MDFIC2: variants seen among roughly 807,000 people sequenced by gnomAD.
MDFIC2 encodes the protein myoD family inhibitor domain-containing protein 2.
intron 2 of MDFIC2, among the ~76,000 whole-genome samples, chr3:70,280,481 C>G (rs1039338018): frequency 6.6e-6 from 1 of 152,152 alleles, no homozygotes; most frequent in Non-Finnish European, 1.5e-5. Context: ...AATACTTTCA[C>G]CCTTGCCTCA....
intron 2 of MDFIC2, among the ~76,000 whole-genome samples, chr3:70,242,241 T>C (rs1262886120): frequency 6.6e-6 from 1 of 152,200 alleles, no homozygotes; most frequent in Non-Finnish European, 1.5e-5. Flanking sequence ...TTCATATGCC[T>C]CCAATTAATC....
chr3:70,274,973 CTATT>C (rs1015266659), intron 2 of MDFIC2, among the ~76,000 whole-genome samples: 6 of 151,990 alleles, frequency 3.9e-5, no homozygotes, highest in African/African-American at 1.2e-4. Flanking sequence ...CTGTTTGAAA[CTATT>C]TATCTGTGAG....
chr3:70,305,553 T>C (rs2106705148), intron 2 of MDFIC2, among the ~76,000 whole-genome samples: 1 of 152,338 alleles, frequency 6.6e-6, no homozygotes, highest in East Asian at 1.9e-4. Flanking sequence ...CTTAAGTACA[T>C]GAGTTCCTTG....
At chr3:70,310,424 G>T (rs1289542895) in intron 2 of MDFIC2, among the ~76,000 whole-genome samples, 1 of 151,948 alleles carries the variant, frequency 6.6e-6, no homozygotes, top group Non-Finnish European at 1.5e-5. Context: ...GGAGTGCAGT[G>T]GTGTGATCTC....
At chr3:70,287,754 C>A (rs1186793349) in intron 2 of MDFIC2, among the ~76,000 whole-genome samples, 1 of 151,512 alleles carries the variant, frequency 6.6e-6, no homozygotes, top group Admixed American at 6.6e-5. Flanking sequence ...TTGGTCTATT[C>A]AGAGATTCAA....
At position 70,228,394 on chromosome 3, in the gene MDFIC2, ATTG is replaced by A. The variant is rs1701527995; in HGVS notation, c.89-21607_89-21605del. ...TAGCTTTTCTTTCCTCTCAGAAGGAATTGTTGTCTTATGACTGACGTTAGGCTG... is the reference window on the plus strand; with the variant it reads ...TAGCTTTTCTTTCCTCTCAGAAGGAATTGTCTTATGACTGACGTTAGGCTG... On this transcript the variant is annotated intron_variant, in intron 2 of 3. Transcript: ENST00000567252. Among the ~76,000 whole-genome samples, 2 of 152,028 alleles carry A rather than the reference ATTG, an allele frequency of 1.3e-5. 1 individual carries two copies. The highest frequency in any genetic ancestry group is 4.1e-4 in the South Asian group (2 of 4,824).
At chr3:70,278,005 T>C (rs971832916) in intron 2 of MDFIC2, among the ~76,000 whole-genome samples, 1 of 152,128 alleles carries the variant, frequency 6.6e-6, no homozygotes, top group African/African-American at 2.4e-5. Flanking sequence ...GTATATACAT[T>C]GATCCGTTTT....
intron 2 of MDFIC2, among the ~76,000 whole-genome samples, chr3:70,282,797 T>C (rs1191483598): frequency 6.6e-6 from 1 of 152,162 alleles, no homozygotes; most frequent in Non-Finnish European, 1.5e-5. Context: ...AATACAAATA[T>C]CTATGACTGT....
intron 2 of MDFIC2, among the ~76,000 whole-genome samples, chr3:70,276,276 A>G (rs1702024965): frequency 6.6e-6 from 1 of 152,162 alleles, no homozygotes; most frequent in Non-Finnish European, 1.5e-5. Context: ...CATAAATATT[A>G]TTCTTCCAAT....
At chr3:70,245,825 T>A (rs973168281) in intron 2 of MDFIC2, among the ~76,000 whole-genome samples, 1 of 150,574 alleles carries the variant, frequency 6.6e-6, no homozygotes, top group Non-Finnish European at 1.5e-5. Context: ...CCATCCAATT[T>A]TTTTGAATGT....
rs140125134 is a variant in MDFIC2 at position 70,286,957 on chromosome 3, G to A, written c.88+24929C>T. ...GCTTATCAGCTTAAGGAGATTTTGG[G>A]CTGAGACAATGGCGTTTTCTAGATA... On this transcript the variant is annotated intron_variant, in intron 2 of 3. Transcript: ENST00000567252. Among the ~76,000 whole-genome samples, 857 of 151,134 alleles carry A rather than the reference G, an allele frequency of 5.7e-3. 37 individuals carry two copies. In the East Asian group the frequency reaches 0.1, roughly 18 times the overall value.
At chr3:70,290,475 G>C (rs1702224259) in intron 2 of MDFIC2, among the ~76,000 whole-genome samples, 1 of 152,204 alleles carries the variant, frequency 6.6e-6, no homozygotes, top group Admixed American at 6.5e-5. Flanking sequence ...CTGTCAGACA[G>C]GGACATTTAA....
chr3:70,248,811 T>C (rs921122040), intron 2 of MDFIC2, among the ~76,000 whole-genome samples: 4 of 152,112 alleles, frequency 2.6e-5, no homozygotes, highest in Non-Finnish European at 4.4e-5. Flanking sequence ...TTGAGTAGGC[T>C]ACCATGTGTG....
rs143892574 is a variant in MDFIC2, at chr3:70,216,137, TG to T, written c.89-9348del. ...TATATGTGGAATTTATGTTTATAGA[TG>T]TATATGTATATATCTACATATTTAT... On this transcript the variant is annotated intron_variant, in intron 2 of 3. Transcript: ENST00000567252. Among the ~76,000 whole-genome samples, 1,025 of 151,744 alleles carry T rather than the reference TG, an allele frequency of 6.8e-3. 58 individuals are homozygous for T. The East Asian group carries it at 0.15, about 22-fold the overall frequency.
chr3:70,259,754 G>C (rs1701848216), intron 2 of MDFIC2, among the ~76,000 whole-genome samples: 1 of 152,150 alleles, frequency 6.6e-6, no homozygotes, highest in Non-Finnish European at 1.5e-5. Context: ...GTATTAGTCT[G>C]TTTTCATACC....
intron 2 of MDFIC2, among the ~76,000 whole-genome samples, chr3:70,227,848 C>T (rs905212938): frequency 8.5e-5 from 13 of 152,128 alleles, no homozygotes; most frequent in African/African-American, 2.9e-4. Flanking sequence ...TAGTAGTAAG[C>T]GGCAGAGCTG....
intron 2 of MDFIC2, among the ~76,000 whole-genome samples, chr3:70,245,006 C>T (rs1415077071): frequency 1.3e-5 from 2 of 152,050 alleles, no homozygotes; most frequent in Non-Finnish European, 2.9e-5. Context: ...GCCAGTGAGC[C>T]CTGGTCCCAG....
intron 3 of MDFIC2, among the ~76,000 whole-genome samples, chr3:70,198,536 G>C (rs1171160769): frequency 2.0e-5 from 3 of 152,146 alleles, no homozygotes; most frequent in Non-Finnish European, 4.4e-5. Flanking sequence ...ACTATATAAA[G>C]TTATAAGGTG....
intron 2 of MDFIC2, among the ~76,000 whole-genome samples, chr3:70,297,563 C>A (rs1370947949): frequency 6.6e-6 from 1 of 151,950 alleles, no homozygotes; most frequent in Non-Finnish European, 1.5e-5. Flanking sequence ...CCCTGTGGAG[C>A]AATATGTATA....
Sources: allele counts gnomAD v4.1 joint callset (sites outside exome capture counted in the v4.1 genomes callset), GRCh38; gene constraint gnomAD v4.1.1; transcripts MANE v1.5; gene names NCBI Gene and HGNC (gene_info 2026-07-23, HGNC 2026-07-21).